The following ENOX2 variants were observed in gnomAD, a reference collection of about 807,000 sequenced individuals.
ENOX2 encodes the protein APK1 antigen.
Under a neutral mutation model 45.0 loss-of-function variants are expected in ENOX2, and 36 were observed. The observed-to-expected ratio is 0.80, with a 90% CI of 0.61 to 1.06. The LOEUF (loss-of-function observed/expected upper bound fraction) is 1.06. Among genes scored for constraint, ENOX2 ranks in the 50% least tolerant of loss-of-function variants. The pLI, the probability that ENOX2 is intolerant of heterozygous loss-of-function variation, is 0.00. For missense variants in ENOX2, 423 were observed against 462.5 expected, an observed-to-expected ratio of 0.91 and a Z score of 0.78; for synonymous variants, 174 against 152.3, an observed-to-expected ratio of 1.14 and a Z score of -1.05.
At chrX:130,859,322 ACT>A (rs1188061400) in intron 2 of ENOX2, among the ~76,000 whole-genome samples, 3 of 112,322 alleles carry the variant, frequency 2.7e-5, no homozygotes, top group Admixed American at 9.4e-5. Flanking sequence ...ATAGAGCAAG[ACT>A]CTGTCTCAAA....
In ENOX2 at chrX:130,727,096, T is replaced by C. The variant is rs151073539; in HGVS notation, c.-38-23842A>G. On this transcript the variant is annotated intron_variant, in intron 3 of 14. Coordinates refer to ENST00000394363, the MANE Select transcript of ENOX2 (RefSeq NM_006375.4). ...AGTAAATGAACAGATGTAAAGTATA[T>C]AGCACAATGCCTAATGGGCATACCT... Among the ~76,000 whole-genome samples, 46 of 112,559 alleles carry C rather than the reference T, an allele frequency of 4.1e-4. No individual in the cohort carries two copies. In the East Asian group the frequency reaches 9.5e-3, roughly 23 times the overall value.
At chrX:130,686,718 C>A (rs112830977) in intron 5 of ENOX2, among the ~76,000 whole-genome samples, 453 of 112,214 alleles carry the variant, frequency 4.0e-3, no homozygotes, top group Non-Finnish European at 6.4e-3. Context: ...TTTTGCCATG[C>A]TTTCAGCAGA....
intron 2 of ENOX2, among the ~76,000 whole-genome samples, chrX:130,816,825 T>G (rs776118406): frequency 9.0e-6 from 1 of 111,372 alleles, no homozygotes; most frequent in South Asian, 3.8e-4. Flanking sequence ...AGATGTAGAA[T>G]CGAAACCCTA....
chrX:130,808,362 T>C (rs1192203741), intron 2 of ENOX2, among the ~76,000 whole-genome samples: 2 of 110,798 alleles, frequency 1.8e-5, no homozygotes, highest in Non-Finnish European at 3.8e-5. Context: ...TCCTCACCTG[T>C]TTTTTTTTAG....
chrX:130,877,720 A>G (rs1226134849), intron 2 of ENOX2, among the ~76,000 whole-genome samples: 1 of 111,993 alleles, frequency 8.9e-6, no homozygotes, highest in African/African-American at 3.2e-5. Context: ...CCGATACTGA[A>G]AAGAGAGAAG....
chrX:130,719,167 CGATATAA>C (rs2038406992), intron 3 of ENOX2, among the ~76,000 whole-genome samples: 1 of 111,029 alleles, frequency 9.0e-6, no homozygotes, highest in Non-Finnish European at 1.9e-5. Context: ...ATTCTGCAAA[CGATATAA>C]CCAAATCTGT....
Position 130,749,040 on chromosome X carries a change from A to G in ENOX2, c.-39+34507T>C, listed in dbSNP as rs185274225. 3.9e-3 allele frequency among the ~76,000 whole-genome samples: 433 copies of G among 111,841 alleles called. 2 individuals are homozygous for G. The highest frequency in any genetic ancestry group is 0.014 in the African/African-American group (418 of 30,816). On this transcript the variant is annotated intron_variant, in intron 3 of 14. Transcript: ENST00000394363. ...TCAGGGCAGGAGCTGGGCTAAGATC[A>G]TCTTAGAGTCTGGCACAACAAAAAG...
At chrX:130,851,543 G>T (rs774583482) in intron 2 of ENOX2, among the ~76,000 whole-genome samples, 5 of 107,255 alleles carry the variant, frequency 4.7e-5, no homozygotes, top group Admixed American at 3.0e-4. Context: ...AATCTATGGT[G>T]CCTGATACCT....
At chrX:130,838,296 C>T (rs1368392071) in intron 2 of ENOX2, among the ~76,000 whole-genome samples, 2 of 111,723 alleles carry the variant, frequency 1.8e-5, no homozygotes, top group East Asian at 2.8e-4. Flanking sequence ...GCAGGAGAAT[C>T]GCTTGATCCA....
At chrX:130,780,125 G>A (rs1445992599) in intron 3 of ENOX2, among the ~76,000 whole-genome samples, 2 of 111,154 alleles carry the variant, frequency 1.8e-5, no homozygotes, top group Non-Finnish European at 3.8e-5. Context: ...TAGTGGATCG[G>A]TGTGGCTGAA....
At chrX:130,831,170 A>G (rs1235455878) in intron 2 of ENOX2, among the ~76,000 whole-genome samples, 10 of 110,776 alleles carry the variant, frequency 9.0e-5, no homozygotes, top group Non-Finnish European at 1.5e-4. Flanking sequence ...CAGAGCCCTC[A>G]TGACCTAATC....
chrX:130,858,903 G>A lies in ENOX2; in HGVS notation c.-183+42781C>T, dbSNP rs184276065. On this transcript the variant is annotated intron_variant, in intron 2 of 14. Transcript: ENST00000394363. ...CTGAAACTGACATACCCAGAGCAAG[G>A]AGAAAAAGTGACCCCTCATTTATTC... Among the ~76,000 whole-genome samples, 4 of 112,191 alleles carry A rather than the reference G, an allele frequency of 3.6e-5. No homozygotes were observed. The East Asian group carries it at 1.1e-3, about 31-fold the overall frequency.
chrX:130,766,102 A>C (rs1390162612), intron 3 of ENOX2, among the ~76,000 whole-genome samples: 1 of 111,553 alleles, frequency 9.0e-6, no homozygotes, highest in Non-Finnish European at 1.9e-5. Flanking sequence ...CAGGAACCCC[A>C]ATTTAGAAGG....
At chrX:130,891,465 A>C (rs1378361796) in intron 2 of ENOX2, among the ~76,000 whole-genome samples, 3 of 100,569 alleles carry the variant, frequency 3.0e-5, no homozygotes, top group Admixed American at 1.1e-4. Flanking sequence ...TTTCTTAACC[A>C]ATCTTCACAA....
intron 14 of ENOX2, among the ~76,000 whole-genome samples, chrX:130,627,230 G>T (rs766838433): frequency 9.0e-6 from 1 of 111,209 alleles, no homozygotes; most frequent in East Asian, 2.8e-4. Flanking sequence ...GAGGTGGATG[G>T]AATAAGACTT....
At chrX:130,846,360 G>C (rs1449802615) in intron 2 of ENOX2, among the ~76,000 whole-genome samples, 2 of 105,381 alleles carry the variant, frequency 1.9e-5, no homozygotes, top group Non-Finnish European at 3.9e-5. Flanking sequence ...TTTTTGAGAC[G>C]AAGTTTCCTT....
intron 8 of ENOX2, among the ~76,000 whole-genome samples, chrX:130,666,885 T>C (rs2036847943): frequency 8.9e-6 from 1 of 112,011 alleles, no homozygotes; most frequent in African/African-American, 3.2e-5. Context: ...GAGTGTATAA[T>C]TTTATAATGT....
chrX:130,657,230 A>C (rs766389883), intron 9 of ENOX2, among the ~76,000 whole-genome samples: 3 of 112,230 alleles, frequency 2.7e-5, no homozygotes, highest in Middle Eastern at 4.6e-3. Flanking sequence ...CAAAACACAA[A>C]ACAAAACCCA....
At chrX:130,821,742 T>A (rs1309008923) in intron 2 of ENOX2, among the ~76,000 whole-genome samples, 350 of 22,779 alleles carry the variant, frequency 0.015, no homozygotes, top group Admixed American at 0.017. Flanking sequence ...ATAAATAAAT[T>A]AAAAAAAAAA....
Sources: allele counts gnomAD v4.1 joint callset (sites outside exome capture counted in the v4.1 genomes callset), GRCh38; gene constraint gnomAD v4.1.1; transcripts MANE v1.5; gene names NCBI Gene and HGNC (gene_info 2026-07-23, HGNC 2026-07-21).